Variants in DCDC1 observed in about 807,000 individuals in gnomAD.
DCDC1 encodes doublecortin domain-containing protein 1.
Under a neutral mutation model 178.3 loss-of-function variants are expected in DCDC1, and 200 were observed. The observed-to-expected ratio is 1.12, with a 90% CI of 1.00 to 1.26. The LOEUF (loss-of-function observed/expected upper bound fraction) is 1.26. Among genes scored for constraint, DCDC1 ranks in the 50% most tolerant of loss-of-function variants. DCDC1 has a pLI of 0.00. For synonymous variants in DCDC1, 690 were observed against 604.8 expected, an observed-to-expected ratio of 1.14 and a Z score of -2.07; for missense variants, 1,983 against 1,749.2, an observed-to-expected ratio of 1.13 and a Z score of -2.38.
At chr11:31,297,065 G>T (rs1947740556) in intron 6 of DCDC1, among the ~76,000 whole-genome samples, 1 of 152,168 alleles carries the variant, frequency 6.6e-6, no homozygotes, top group South Asian at 2.1e-4. Flanking sequence ...AAGAAATGTG[G>T]TTCGAGGGCT....
intron 9 of DCDC1, among the ~76,000 whole-genome samples, chr11:31,159,989 T>C (rs1966145740): frequency 6.6e-6 from 1 of 152,206 alleles, no homozygotes; most frequent in South Asian, 2.1e-4. Context: ...CTGATTATTT[T>C]AACACAGCAA....
intron 9 of DCDC1, 102 bp downstream of exon 9, chr11:31,241,348 T>C (rs1395213816): frequency 1.5e-5 from 6 of 390,722 alleles, no homozygotes; most frequent in Admixed American, 4.4e-5. Context: ...ACAAAATACA[T>C]GTCACAGTTC....
rs79542889 is a variant in DCDC1, at chr11:31,190,805, T to C, written c.1221+50645A>G. Among the ~76,000 whole-genome samples, 825 of 152,274 alleles carry C rather than the reference T, an allele frequency of 5.4e-3. 5 individuals are homozygous for C. The highest frequency in any genetic ancestry group is 9.4e-3 in the Non-Finnish European group (638 of 67,996). On this transcript the variant is annotated intron_variant, in intron 9 of 38. Coordinates refer to ENST00000684477, the MANE Select transcript of DCDC1 (RefSeq NM_001387274.1). ...GCTCAATTAACATTACTTAATATTT[T>C]AATGGCCATTTGTGATTTCTTTTTT...
chr11:31,127,880 T>C (rs539165441), intron 10 of DCDC1, among the ~76,000 whole-genome samples: 16 of 152,142 alleles, frequency 1.1e-4, no homozygotes, highest in Non-Finnish European at 1.3e-4. Flanking sequence ...TTTACAATTG[T>C]TGAATGAAAA....
chr11:31,027,932 T>C (rs774495574), intron 20 of DCDC1, among the ~76,000 whole-genome samples: 6 of 151,866 alleles, frequency 4.0e-5, no homozygotes, highest in Non-Finnish European at 7.4e-5. Context: ...AAACCACAGT[T>C]ACATATTGCA....
At chr11:31,168,533 T>A (rs1055487856) in intron 9 of DCDC1, among the ~76,000 whole-genome samples, 1 of 152,224 alleles carries the variant, frequency 6.6e-6, no homozygotes, top group Non-Finnish European at 1.5e-5. Flanking sequence ...TTTACTGATA[T>A]GTTAAACCAA....
chr11:31,336,908 C>CT (rs1950300022), intron 1 of DCDC1, among the ~76,000 whole-genome samples: 2 of 152,132 alleles, frequency 1.3e-5, no homozygotes, highest in African/African-American at 4.8e-5. Flanking sequence ...GATTGGTCAT[C>CT]TTTAACTTTG....
chr11:31,170,987 C>T (rs1197311546), intron 9 of DCDC1, among the ~76,000 whole-genome samples: 1 of 152,154 alleles, frequency 6.6e-6, no homozygotes, highest in Non-Finnish European at 1.5e-5. Context: ...AGCCACCATG[C>T]CAGGCTAATT....
chr11:31,051,762 GA>G (rs1955263744), intron 20 of DCDC1, among the ~76,000 whole-genome samples: 1 of 152,120 alleles, frequency 6.6e-6, no homozygotes, highest in African/African-American at 2.4e-5. Context: ...GTCGTTTTCA[GA>G]CAAACAAATG....
In DCDC1 at chr11:31,077,067, C is replaced by T. The variant is rs1050705803; in HGVS notation, c.2298+798G>A. Among the ~76,000 whole-genome samples the T allele has an allele frequency of 2.0e-5, 3 of 152,264 alleles. 1 individual carries two copies. Among genetic ancestry groups the T allele is most frequent in the African/African-American group, 7.2e-5 (3 of 41,546 alleles). On this transcript the variant is annotated intron_variant, in intron 18 of 38. Coordinates refer to ENST00000684477, the MANE Select transcript of DCDC1 (RefSeq NM_001387274.1). ...ATCTCTACACACTGGTTTGCTTCTT[C>T]CAGGTGGCTGAGGAATGCTGGAGAA... is the stretch of plus-strand genomic sequence containing the variant.
intron 20 of DCDC1, among the ~76,000 whole-genome samples, chr11:30,987,305 C>G (rs1950708601): frequency 6.6e-6 from 1 of 152,174 alleles, no homozygotes; most frequent in East Asian, 1.9e-4. Flanking sequence ...ACGTGAGCCA[C>G]CGCACCCAGG....
At position 30,952,507 on chromosome 11, in the gene DCDC1, T is replaced by C. The variant is rs780669727; in HGVS notation, c.2653A>G (p.Asn885Asp). ...TAGGTAAGCTTGTTCCATAGAGGAT[T>C]TTCAACTCTAGAATGTTTCCACTGG... ...PGQWKHSRVE[N>D]PLWNKLTYMW... The change falls in exon 21 of 39, where the codon AAT becomes GAT. Residue 885 changes from asparagine to aspartate, a missense_variant. Asn to Asp is a conservative substitution (Grantham distance 23). Coordinates refer to ENST00000684477, the MANE Select transcript of DCDC1 (RefSeq NM_001387274.1). The C allele has an allele frequency of 9.4e-6, 15 of 1,589,392 alleles. No individual in the cohort carries two copies. The East Asian group carries it at 3.1e-4, about 33-fold the overall frequency.
intron 6 of DCDC1, among the ~76,000 whole-genome samples, chr11:31,294,682 GAGAAAGAA>G (rs1332696850): frequency 3.4e-5 from 2 of 58,970 alleles, no homozygotes; most frequent in East Asian, 1.5e-3. Flanking sequence ...GAAGGGGAGA[GAGAAAGAA>G]AGAAAGAGAG....
Position 31,175,539 on chromosome 11 carries a change from G to C in DCDC1, c.1222-37755C>G, listed in dbSNP as rs190143799. On this transcript the variant is annotated intron_variant, in intron 9 of 38. Coordinates refer to ENST00000684477, the MANE Select transcript of DCDC1 (RefSeq NM_001387274.1). ...GTACTCGACCCAACAGTCAGTCCTT[G>C]AAGCAACCTTGTTTTTGTGGAAAGA... 2.6e-5 allele frequency among the ~76,000 whole-genome samples: 4 copies of C among 152,268 alleles called. No individual in the cohort carries two copies. In the East Asian group the frequency reaches 7.7e-4, roughly 29 times the overall value.
chr11:31,119,454 T>C (rs1960476938), intron 11 of DCDC1, among the ~76,000 whole-genome samples: 1 of 152,168 alleles, frequency 6.6e-6, no homozygotes, highest in South Asian at 2.1e-4. Context: ...CTAGGGGTTA[T>C]AAATACATGT....
chr11:31,162,206 G>A (rs1397678311), intron 9 of DCDC1, among the ~76,000 whole-genome samples: 2 of 152,070 alleles, frequency 1.3e-5, no homozygotes, highest in Non-Finnish European at 2.9e-5. Context: ...GAATAACAAT[G>A]TTCTATTTGC....
chr11:30,906,422 C>G (rs1945065190), intron 30 of DCDC1, 118 bp downstream of exon 30: 1 of 1,030,744 alleles, frequency 9.7e-7, no homozygotes. Context: ...AAAGGTGCAT[C>G]TGAGGAAGAT....
At chr11:31,242,979 T>C (rs548612187) in intron 8 of DCDC1, among the ~76,000 whole-genome samples, 6 of 152,018 alleles carry the variant, frequency 3.9e-5, no homozygotes, top group Admixed American at 2.0e-4. Flanking sequence ...CCAATGACTA[T>C]TGAAACATCT....
chr11:31,331,653 T>C (rs969387743), intron 2 of DCDC1, among the ~76,000 whole-genome samples: 1 of 152,224 alleles, frequency 6.6e-6, no homozygotes, highest in Admixed American at 6.5e-5. Context: ...TTTTTGTCTT[T>C]GGTTCTGTTT....
Sources: gnomAD v4.1 joint callset for allele counts (sites outside exome capture counted in the v4.1 genomes callset) on GRCh38, gnomAD v4.1.1 for gene constraint, MANE v1.5 for transcripts, NCBI Gene and HGNC (gene_info 2026-07-23, HGNC 2026-07-21) for gene names.